The following SOX30 variants were observed in gnomAD, a reference collection of about 807,000 sequenced individuals.
The protein encoded by SOX30 is transcription factor SOX-30.
A neutral mutation model predicts 58.6 loss-of-function variants in SOX30; 17 were observed. The ratio of observed to expected loss-of-function variants is 0.29; its 90% CI spans 0.20 to 0.44. The LOEUF (loss-of-function observed/expected upper bound fraction) is 0.44, where lower values mean the gene tolerates loss of function less well. Among genes scored for constraint, SOX30 ranks in the 20% least tolerant of loss-of-function variants. SOX30 has a pLI of 1.00. For synonymous variants in SOX30, 421 were observed against 400.2 expected, an observed-to-expected ratio of 1.05 and a Z score of -0.62; for missense variants, 951 against 965.8, an observed-to-expected ratio of 0.98 and a Z score of 0.20.
rs1581403211 is a variant in SOX30 at position 157,652,317 on chromosome 5, C to T, written c.-239G>A. ...CTACTCTCGCCTCGTGCTGAGTCCT[C>T]GAATCACCTGCCATGGTAGGAGCCG... On this transcript the variant is annotated 5_prime_UTR_variant, in exon 1 of 5. Coordinates refer to ENST00000265007, the MANE Select transcript of SOX30 (RefSeq NM_178424.2). 23 of 1,219,956 alleles carry T rather than the reference C, an allele frequency of 1.9e-5. No individual in the cohort carries two copies. In the South Asian group the frequency reaches 5.4e-4, roughly 28 times the overall value. 75.6% of individuals were successfully genotyped at this position (1,219,956 alleles called of 1,614,324 possible).
intron 2 of SOX30, among the ~76,000 whole-genome samples, chr5:157,663,029 A>C (rs754290390): frequency 6.6e-6 from 1 of 152,228 alleles, no homozygotes; most frequent in Non-Finnish European, 1.5e-5. Flanking sequence ...AGGTACAAGG[A>C]GGAGCTGGTA....
At chr5:157,638,870 A>T in intron 3 of SOX30, 148 bp from the exon 4 acceptor site, 1 of 729,218 alleles carries the variant, frequency 1.4e-6, no homozygotes, top group Non-Finnish European at 2.2e-6. Flanking sequence ...ACTCTATTTC[A>T]TTTGCAGCAT....
At chr5:157,662,836 C>A (rs1396538418) in intron 2 of SOX30, among the ~76,000 whole-genome samples, 1 of 152,198 alleles carries the variant, frequency 6.6e-6, no homozygotes, top group African/African-American at 2.4e-5. Flanking sequence ...CTTCACAACC[C>A]TTTATCATAA....
At chr5:157,628,396 CACACACACA>C (rs1758712544) in intron 4 of SOX30, among the ~76,000 whole-genome samples, 3 of 151,498 alleles carry the variant, frequency 2.0e-5, no homozygotes, top group Admixed American at 2.0e-4. Flanking sequence ...CACACACACA[CACACACACA>C]CAGAGTCAAC....
chr5:157,666,936 C>T (rs1043327867), intron 2 of SOX30, among the ~76,000 whole-genome samples: 1 of 152,028 alleles, frequency 6.6e-6, no homozygotes, highest in African/African-American at 2.4e-5. Context: ...CAACTTCTGA[C>T]CTCAGGTAAT....
intron 4 of SOX30, 25 bp from the exon 5 acceptor site, chr5:157,626,746 G>A (rs1187107831): frequency 3.2e-6 from 5 of 1,564,894 alleles, no homozygotes; most frequent in Non-Finnish European, 3.4e-6. Context: ...CACAAACAAG[G>A]AATTAGATCT....
At chr5:157,650,551 A>C (rs1208930442) in intron 1 of SOX30, among the ~76,000 whole-genome samples, 1 of 152,206 alleles carries the variant, frequency 6.6e-6, no homozygotes, top group East Asian at 1.9e-4. Flanking sequence ...ATTCTACTGT[A>C]TTCTTTTCAA....
intron 4 of SOX30, among the ~76,000 whole-genome samples, chr5:157,632,431 C>T (rs537248256): frequency 5.9e-5 from 9 of 152,174 alleles, no homozygotes; most frequent in South Asian, 2.1e-4. Flanking sequence ...CCAGTAGAGA[C>T]GGGTGAAACC....
At chr5:157,646,892 A>T in intron 2 of SOX30, 76 bp from the exon 3 acceptor site, 1 of 1,050,022 alleles carries the variant, frequency 9.5e-7, no homozygotes, top group Non-Finnish European at 1.4e-6. Flanking sequence ...CTAAAATGCA[A>T]AGCACTTTAA....
intron 1 of SOX30, among the ~76,000 whole-genome samples, chr5:157,669,831 T>C (rs1488276008): frequency 6.6e-6 from 1 of 152,182 alleles, no homozygotes; most frequent in Non-Finnish European, 1.5e-5. Context: ...GCCATTTTTC[T>C]GTAGAATTCC....
At chr5:157,647,084 C>T (rs530744560) in intron 2 of SOX30, among the ~76,000 whole-genome samples, 3 of 142,480 alleles carry the variant, frequency 2.1e-5, no homozygotes, top group South Asian at 2.2e-4. Flanking sequence ...TTTTTTGAGA[C>T]GGAGTCTTGC....
chr5:157,629,888 GC>G (rs1378054971), intron 4 of SOX30, among the ~76,000 whole-genome samples: 1 of 152,146 alleles, frequency 6.6e-6, no homozygotes, highest in Non-Finnish European at 1.5e-5. Flanking sequence ...CTACCATGCC[GC>G]CCTACCCAGG....
Position 157,651,379 on chromosome 5 carries a change from C to T in SOX30, c.700G>A (p.Gly234Ser). The T allele has an allele frequency of 6.2e-7, 1 of 1,613,672 alleles. No individual in the cohort carries two copies. Among genetic ancestry groups the T allele is most frequent in the Non-Finnish European group, 8.5e-7 (1 of 1,180,032 alleles). ...ACCTCCGCGCTGCCATGAACCAGGC[C>T]ATTGGACGCGGGCTCCGCGCCGAGC... is the stretch of plus-strand genomic sequence containing the variant. Reference protein sequence around the residue: ...CRLGAEPASNGLVHGSAEVIL... With the variant: ...CRLGAEPASNSLVHGSAEVIL... Residue 234 changes from glycine to serine, a missense_variant, in exon 1 of 5, where the codon GGC (glycine) becomes AGC (serine). This residue lies in a region of SOX30 where 84 missense variants were observed against 68.2 expected (regional missense o/e 1.23). Transcript: ENST00000265007.
Position 157,639,364 on chromosome 5 carries a change from T to A in SOX30, c.1388-642A>T, listed in dbSNP as rs185400832. ...TCATTTTTCTTTTCTTTTATAAACT[T>A]CTCTATATTAAACTAAATTATAAAT... On this transcript the variant is annotated intron_variant, in intron 3 of 4. Transcript: ENST00000265007. 3.3e-5 allele frequency among the ~76,000 whole-genome samples: 5 copies of A among 152,258 alleles called. No individual in the cohort carries two copies. The East Asian group carries it at 7.7e-4, about 23-fold the overall frequency.
chr5:157,665,763 C>G (rs968504764), intron 2 of SOX30, among the ~76,000 whole-genome samples: 9 of 150,496 alleles, frequency 6.0e-5, no homozygotes, highest in Admixed American at 4.6e-4. Context: ...TACTTGACAT[C>G]TATTGTGTAT....
chr5:157,664,751 AC>A (rs1759639630), intron 2 of SOX30, among the ~76,000 whole-genome samples: 1 of 152,212 alleles, frequency 6.6e-6, no homozygotes, highest in Non-Finnish European at 1.5e-5. Context: ...AAACAAATTT[AC>A]AAGAAAAAAT....
intron 1 of SOX30, among the ~76,000 whole-genome samples, chr5:157,668,368 A>C (rs1052008657): frequency 1.3e-5 from 2 of 152,204 alleles, no homozygotes; most frequent in Non-Finnish European, 2.9e-5. Flanking sequence ...ATCCTGCCAA[A>C]GGGTTAGCCA....
rs760097899 is a variant in SOX30 at position 157,652,411 on chromosome 5, T to C, written c.-333A>G. The C allele has an allele frequency of 1.8e-5, 19 of 1,058,960 alleles. No individual in the cohort carries two copies. Among genetic ancestry groups the C allele is most frequent in the Non-Finnish European group, 2.0e-5 (18 of 878,408 alleles). 65.6% of individuals were successfully genotyped at this position (1,058,960 alleles called of 1,614,324 possible). On this transcript the variant is annotated 5_prime_UTR_variant, in exon 1 of 5. It removes an upstream start codon present in the reference 5' UTR. Transcript: ENST00000265007. Reference sequence around the variant, plus strand: ...CTCTTACAGCCGTTGTCTTTAGTCATCCCTCCCCCACCCGGAGCTGCGACA... The same window carrying C: ...CTCTTACAGCCGTTGTCTTTAGTCACCCCTCCCCCACCCGGAGCTGCGACA...
chr5:157,643,153 A>G (rs1376705399), intron 3 of SOX30, among the ~76,000 whole-genome samples: 1 of 152,110 alleles, frequency 6.6e-6, no homozygotes, highest in Non-Finnish European at 1.5e-5. Flanking sequence ...TCCAGGCATG[A>G]TGGCTCACAC....
Sources: gnomAD v4.1 joint callset for allele counts (sites outside exome capture counted in the v4.1 genomes callset) on GRCh38, gnomAD v4.1.1 for gene constraint, gnomAD v4.1.1 regional missense constraint, MANE v1.5 for transcripts, NCBI Gene and HGNC (gene_info 2026-07-23, HGNC 2026-07-21) for gene names.